ADAMTS20: variants seen among roughly 807,000 people sequenced by gnomAD.
The protein encoded by ADAMTS20 is ADAM metallopeptidase with thrombospondin type 1 motif 20.
A neutral mutation model predicts 260.1 loss-of-function variants in ADAMTS20; 225 were observed. That is an observed-to-expected ratio of 0.87 (90% CI 0.78 to 0.97). The LOEUF is 0.97. ADAMTS20 is among the 50% of genes least tolerant of loss of function. The probability of loss-of-function intolerance (pLI) is 0.00; values close to 1 mark genes in which losing one functional copy is unlikely to be tolerated. For synonymous variants in ADAMTS20, 802 were observed against 769.5 expected, an observed-to-expected ratio of 1.04 and a Z score of -0.70; for missense variants, 2,400 against 2,337.7, an observed-to-expected ratio of 1.03 and a Z score of -0.55.
intron 28 of ADAMTS20, among the ~76,000 whole-genome samples, chr12:43,404,014 C>T (rs886201614): frequency 1.3e-5 from 2 of 152,100 alleles, no homozygotes; most frequent in Non-Finnish European, 2.9e-5. Flanking sequence ...AAACTCCCTT[C>T]TCTGATGGAG....
At chr12:43,497,618 T>A (rs907467690) in intron 4 of ADAMTS20, among the ~76,000 whole-genome samples, 4 of 152,126 alleles carry the variant, frequency 2.6e-5, no homozygotes, top group Non-Finnish European at 5.9e-5. Flanking sequence ...TGGTTATACC[T>A]GAAGTATGAA....
At chr12:43,448,572 C>A (rs868849201) in intron 14 of ADAMTS20, among the ~76,000 whole-genome samples, 2 of 152,020 alleles carry the variant, frequency 1.3e-5, no homozygotes, top group Non-Finnish European at 2.9e-5. Flanking sequence ...ATTCTGGACA[C>A]AAGAACTGGC....
In ADAMTS20 at chr12:43,551,895, C is replaced by T; in HGVS notation, c.27G>A (p.Gly9=). 1 of 1,613,698 alleles carries T rather than the reference C, an allele frequency of 6.2e-7. No homozygotes were observed. The highest frequency in any genetic ancestry group is 8.5e-7 in the Non-Finnish European group (1 of 1,179,728). MWVAKWLT[G]LLYHLSLFIT... ...TGAAGAGCGAGAGATGGTAGAGCAG[C>T]CCAGTCAGCCACTTGGCCACCCACA... is the stretch of plus-strand genomic sequence containing the variant. The change falls in exon 1 of 39, where the codon GGG becomes GGA. Residue 9 remains glycine (G), a synonymous_variant. Coordinates refer to ENST00000389420, the MANE Select transcript of ADAMTS20 (RefSeq NM_025003.5). This position sits in a 1 kb window ranked among gnomAD's most constrained non-coding sequence, Gnocchi z 4.6.
chr12:43,432,369 G>A lies in ADAMTS20; in HGVS notation c.3031C>T (p.Arg1011Ter), dbSNP rs200767698. ...TCATTGCAATTCTCTCTCGTCACTC[G>A]GGACAGTTCTTGGCATTCATTGTCA... ...LADNECQELSRVTRENCNEFS... is the reference protein window; with the variant it reads ...LADNECQELS Residue 1011 changes from arginine to a stop codon, truncating the protein, a stop_gained, in exon 21 of 39, where the codon CGA (arginine) becomes TGA (stop). Coordinates refer to ENST00000389420, the MANE Select transcript of ADAMTS20 (RefSeq NM_025003.5). LOFTEE classifies it high-confidence loss of function. The A allele has an allele frequency of 9.9e-6, 16 of 1,613,516 alleles. No individual in the cohort carries two copies. The highest frequency in any genetic ancestry group is 1.3e-5 in the Non-Finnish European group (15 of 1,179,814).
chr12:43,386,242 G>A lies in ADAMTS20; in HGVS notation c.4453-2265C>T, dbSNP rs140046578. 6.6e-3 allele frequency among the ~76,000 whole-genome samples: 1,010 copies of A among 152,044 alleles called. 8 individuals are homozygous for A. The highest frequency in any genetic ancestry group is 0.022 in the African/African-American group (922 of 41,476). The stretch of plus-strand genomic sequence containing the variant: ...GCTTCTCTAGTTCTCCTTTGCTTAC[G>A]AAGCTTAGTTTGGCTGGATATGAAA... On this transcript the variant is annotated intron_variant, in intron 29 of 38. Coordinates refer to ENST00000389420, the MANE Select transcript of ADAMTS20 (RefSeq NM_025003.5).
At chr12:43,463,070 C>T (rs759281988) in intron 10 of ADAMTS20, 71 bp from the exon 11 acceptor site, 1 of 1,029,296 alleles carries the variant, frequency 9.7e-7, no homozygotes, top group Non-Finnish European at 1.4e-6. Flanking sequence ...TTCAGTATTA[C>T]ACATTGATTT....
chr12:43,484,294 G>A (rs1279870112), intron 7 of ADAMTS20, among the ~76,000 whole-genome samples: 1 of 152,082 alleles, frequency 6.6e-6, no homozygotes, highest in African/African-American at 2.4e-5. Flanking sequence ...ATCCCCAAAA[G>A]ATTATACTAA....
intron 11 of ADAMTS20, 86 bp from the exon 12 acceptor site, chr12:43,454,138 CAGA>C: frequency 7.0e-7 from 1 of 1,437,008 alleles, no homozygotes; most frequent in Non-Finnish European, 9.3e-7. Flanking sequence ...TAAAGATCAA[CAGA>C]AGAACAAACT....
At chr12:43,489,724 C>A (rs1942574128) in intron 7 of ADAMTS20, among the ~76,000 whole-genome samples, 1 of 151,704 alleles carries the variant, frequency 6.6e-6, no homozygotes, top group Admixed American at 6.6e-5. Context: ...GCATCTTAAT[C>A]CTAGGGATAT....
intron 37 of ADAMTS20, among the ~76,000 whole-genome samples, chr12:43,365,206 A>G (rs1169929919): frequency 2.0e-5 from 3 of 152,066 alleles, no homozygotes; most frequent in Non-Finnish European, 4.4e-5. Flanking sequence ...TAGATAAACA[A>G]AACTGAGAGG....
intron 7 of ADAMTS20, among the ~76,000 whole-genome samples, 164 bp from the exon 8 acceptor site, chr12:43,468,869 A>G (rs752481996): frequency 6.6e-6 from 1 of 152,154 alleles, no homozygotes; most frequent in Non-Finnish European, 1.5e-5. Context: ...AAGAGAATGG[A>G]ATGATTTATT....
chr12:43,442,448 G>C (rs371946208), intron 16 of ADAMTS20, among the ~76,000 whole-genome samples: 1 of 151,740 alleles, frequency 6.6e-6, no homozygotes, highest in African/African-American at 2.4e-5. Context: ...AGTAGACACG[G>C]GGTTTTGCCA....
At chr12:43,465,610 T>G (rs776909071) in intron 9 of ADAMTS20, among the ~76,000 whole-genome samples, 1 of 151,986 alleles carries the variant, frequency 6.6e-6, no homozygotes, top group Admixed American at 6.6e-5. Context: ...AAAATATAAA[T>G]TTTCCAATTA....
chr12:43,492,972 T>C (rs992358148), intron 5 of ADAMTS20, among the ~76,000 whole-genome samples, 198 bp downstream of exon 5: 28 of 152,226 alleles, frequency 1.8e-4, no homozygotes, highest in Non-Finnish European at 3.7e-4. Context: ...CTTTTGTTAC[T>C]TCCTTTACTC....
At position 43,395,373 on chromosome 12, in the gene ADAMTS20, T is replaced by A. The variant is rs1049477757; in HGVS notation, c.4452+3693A>T. Among the ~76,000 whole-genome samples, 4 of 152,284 alleles carry A rather than the reference T, an allele frequency of 2.6e-5. 1 individual carries two copies. The highest frequency in any genetic ancestry group is 2.6e-4 in the Admixed American group (4 of 15,274). ...GTATATGTCAGAAATTCTGAAAATA[T>A]AGAAATAAAGATTTATACTTATGTA... is the stretch of plus-strand genomic sequence containing the variant. On this transcript the variant is annotated intron_variant, in intron 29 of 38. Transcript: ENST00000389420.
At chr12:43,464,247 C>T (rs1400807992) in intron 10 of ADAMTS20, among the ~76,000 whole-genome samples, 1 of 152,000 alleles carries the variant, frequency 6.6e-6, no homozygotes, top group Admixed American at 6.6e-5. Context: ...TCAGATTCAA[C>T]ACACCTATAT....
intron 31 of ADAMTS20, among the ~76,000 whole-genome samples, chr12:43,380,378 G>T (rs1189065374): frequency 1.3e-5 from 2 of 152,076 alleles, no homozygotes; most frequent in Non-Finnish European, 2.9e-5. Flanking sequence ...GCAGGAACAA[G>T]ACTGAAATGT....
In ADAMTS20 at chr12:43,430,303, T is replaced by A. The variant is rs780116567; in HGVS notation, c.3381+49A>T. On this transcript the variant is annotated intron_variant, in intron 23 of 38. Transcript: ENST00000389420. ...AGAAATAATTTTAACACATCAATAA[T>A]CTTTCTGTCTCATAAATCTTTTTGT... is the stretch of plus-strand genomic sequence containing the variant. The A allele has an allele frequency of 1.9e-6, 3 of 1,561,248 alleles. No homozygotes were observed. In the East Asian group the frequency reaches 6.9e-5, roughly 36 times the overall value.
intron 6 of ADAMTS20, 112 bp downstream of exon 6, chr12:43,492,393 A>C: frequency 7.6e-7 from 1 of 1,315,748 alleles, no homozygotes; most frequent in Non-Finnish European, 1.0e-6. Context: ...AAAAAAAGAA[A>C]AAGAAAAAGA....
Sources: gnomAD v4.1 joint callset for allele counts (sites outside exome capture counted in the v4.1 genomes callset) on GRCh38, gnomAD v4.1.1 for gene constraint, Gnocchi (gnomAD v3.1) non-coding constraint, MANE v1.5 for transcripts, NCBI Gene and HGNC (gene_info 2026-07-23, HGNC 2026-07-21) for gene names.